FAF1: variants seen among roughly 807,000 people sequenced by gnomAD.
FAF1 encodes Fas associated factor 1.
FAF1 carries 25 observed loss-of-function variants against 92.5 expected under a neutral mutation model. The ratio of observed to expected loss-of-function variants is 0.27; its 90% CI spans 0.20 to 0.38. The LOEUF is 0.38. Among genes scored for constraint, FAF1 ranks in the 10% least tolerant of loss-of-function variants. FAF1 has a pLI of 1.00. For missense variants in FAF1, 636 were observed against 793.3 expected, an observed-to-expected ratio of 0.80 and a Z score of 2.38; for synonymous variants, 234 against 273.2, an observed-to-expected ratio of 0.86 and a Z score of 1.42.
intron 6 of FAF1, among the ~76,000 whole-genome samples, chr1:50,727,682 G>A (rs993144533): frequency 6.6e-6 from 1 of 152,216 alleles, no homozygotes; most frequent in Non-Finnish European, 1.5e-5. Flanking sequence ...AAGTGTCTGT[G>A]AGGGTGTTGC....
At chr1:50,956,414 C>CTTTTAGTATCCACATTT (rs1645267203) in intron 1 of FAF1, among the ~76,000 whole-genome samples, 1 of 152,184 alleles carries the variant, frequency 6.6e-6, no homozygotes, top group Non-Finnish European at 1.5e-5. Context: ...CATTTAGACA[C>CTTTTAGTATCCACATTT]AGTATCTAGC....
chr1:50,694,323 T>A (rs926333408), intron 7 of FAF1, among the ~76,000 whole-genome samples: 2 of 152,164 alleles, frequency 1.3e-5, no homozygotes, highest in African/African-American at 2.4e-5. Context: ...ATAATGTGCC[T>A]TTGATAACAG....
At chr1:50,792,780 G>A (rs994321733) in intron 3 of FAF1, among the ~76,000 whole-genome samples, 3 of 152,096 alleles carry the variant, frequency 2.0e-5, no homozygotes, top group Non-Finnish European at 4.4e-5. Context: ...AATGACATGG[G>A]GAGATGACAC....
chr1:50,662,117 ACTT>A (rs745651689), intron 7 of FAF1, among the ~76,000 whole-genome samples: 3 of 152,294 alleles, frequency 2.0e-5, no homozygotes, highest in Admixed American at 6.5e-5. Context: ...TTTAACTATT[ACTT>A]CTTCTCATTA....
intron 13 of FAF1, among the ~76,000 whole-genome samples, chr1:50,559,456 G>A (rs1649765136): frequency 6.6e-6 from 1 of 152,072 alleles, no homozygotes; most frequent in Non-Finnish European, 1.5e-5. Context: ...ATTATGACTT[G>A]CTGACAAAGA....
intron 15 of FAF1, among the ~76,000 whole-genome samples, chr1:50,498,810 A>T (rs928910640): frequency 3.3e-5 from 5 of 151,632 alleles, no homozygotes; most frequent in Admixed American, 3.3e-4. Context: ...AGATCGTGCC[A>T]CTGCACTCCA....
At chr1:50,503,354 C>T (rs952991369) in intron 15 of FAF1, among the ~76,000 whole-genome samples, 5 of 152,062 alleles carry the variant, frequency 3.3e-5, no homozygotes. Context: ...GGTGCAGCAG[C>T]TCACACCTGT....
At chr1:50,791,203 C>G (rs1200130339) in intron 3 of FAF1, among the ~76,000 whole-genome samples, 2 of 152,138 alleles carry the variant, frequency 1.3e-5, no homozygotes, top group African/African-American at 2.4e-5. Flanking sequence ...AATGCCACAG[C>G]TGAAATCCAA....
At position 50,440,021 on chromosome 1, in the gene FAF1, C is replaced by G. The variant is rs764355548; in HGVS notation, c.*1419G>C. 1 of 152,194 alleles carries G rather than the reference C, an allele frequency of 6.6e-6. No individual in the cohort carries two copies. Among genetic ancestry groups the G allele is most frequent in the South Asian group, 2.1e-4 (1 of 4,826 alleles). 9.4% of individuals were successfully genotyped at this position (152,194 alleles called of 1,614,324 possible). On this transcript the variant is annotated 3_prime_UTR_variant, in exon 19 of 19. Transcript: ENST00000396153. ...CACTTCTGGGCAGAAGGAAAATGAG[C>G]AGACCTATCTCCAGCTTTGGTTAGA...
chr1:50,756,364 A>ACT (rs1206219757), intron 4 of FAF1, among the ~76,000 whole-genome samples: 3,039 of 152,236 alleles, frequency 0.02, 98 homozygotes, highest in African/African-American at 0.07. Context: ...CCATTTCCCA[A>ACT]CAAGTTCTTC....
intron 8 of FAF1, among the ~76,000 whole-genome samples, chr1:50,626,862 T>G (rs939640572): frequency 6.6e-6 from 1 of 151,980 alleles, no homozygotes; most frequent in Non-Finnish European, 1.5e-5. Context: ...GAAATAGAAG[T>G]GAATGAATGG....
chr1:50,478,264 A>G (rs1646662148), intron 17 of FAF1, among the ~76,000 whole-genome samples: 1 of 151,898 alleles, frequency 6.6e-6, no homozygotes, highest in South Asian at 2.1e-4. Context: ...CCCAGGTTCA[A>G]GCGATTCTCC....
In FAF1 at chr1:50,819,770, TATATATAC is replaced by T. The variant is rs1253303543; in HGVS notation, c.115-18101_115-18094del. Among the ~76,000 whole-genome samples the T allele has an allele frequency of 5.3e-4, 27 of 50,658 alleles. 1 individual carries two copies. Among genetic ancestry groups the T allele is most frequent in the South Asian group, 2.3e-3 (4 of 1,728 alleles). The allele number at this position is 50,658 out of a possible 152,430, so 33.2% of individuals were successfully genotyped here. A position where few individuals can be genotyped will look rare whatever the true frequency, so the allele number is the denominator to read the frequency against. ...ATATATACATATATATATACGTATATATATATACATATATATACATATATATATATACA... is the reference window on the plus strand; with the variant it reads ...ATATATACATATATATATACGTATATATATATATACATATATATATATACA... On this transcript the variant is annotated intron_variant, in intron 2 of 18. Coordinates refer to ENST00000396153, the MANE Select transcript of FAF1 (RefSeq NM_007051.3).
Position 50,766,397 on chromosome 1 carries a change from G to T in FAF1, c.367+21603C>A, listed in dbSNP as rs1660572241. Among the ~76,000 whole-genome samples, 4 of 152,210 alleles carry T rather than the reference G, an allele frequency of 2.6e-5. No homozygotes were observed. The South Asian group carries it at 8.3e-4, about 32-fold the overall frequency. ...CAAAATCAAATTAAGATTCTATATG[G>T]GTAGAGATAATTCAGACTCTTATGG... is the stretch of plus-strand genomic sequence containing the variant. On this transcript the variant is annotated intron_variant, in intron 4 of 18. Coordinates refer to ENST00000396153, the MANE Select transcript of FAF1 (RefSeq NM_007051.3).
At chr1:50,928,342 G>A (rs181112493) in intron 1 of FAF1, among the ~76,000 whole-genome samples, 2 of 152,176 alleles carry the variant, frequency 1.3e-5, no homozygotes, top group Non-Finnish European at 2.9e-5. Context: ...ATGGAGAAAA[G>A]AACGTCAAGA....
intron 8 of FAF1, among the ~76,000 whole-genome samples, chr1:50,649,881 C>T (rs546739118): frequency 1.1e-4 from 16 of 149,860 alleles, no homozygotes; most frequent in Non-Finnish European, 1.8e-4. Context: ...GGGACAATTG[C>T]TTGAACCTGG....
chr1:50,914,707 C>T (rs1644907910), intron 1 of FAF1, among the ~76,000 whole-genome samples: 1 of 152,160 alleles, frequency 6.6e-6, no homozygotes, highest in Non-Finnish European at 1.5e-5. Context: ...TCTGATCCCT[C>T]CCACATAACT....
Position 50,583,685 on chromosome 1 carries a change from G to T in FAF1, c.998C>A (p.Ala333Asp). 6.4e-7 allele frequency: 1 copy of T among 1,574,736 alleles called. No homozygotes were observed. Among genetic ancestry groups the T allele is most frequent in the South Asian group, 1.2e-5 (1 of 82,914 alleles). Residue 333 changes from alanine to aspartate, a missense_variant, in exon 11 of 19, where the codon GCC (alanine) becomes GAC (aspartate). Ala to Asp is a moderately radical substitution (Grantham distance 126). Around this residue, in one of 2 missense-constraint regions of FAF1, gnomAD observed 319 missense variants for 451.0 expected, o/e 0.71. Transcript: ENST00000396153. This position sits in a 1 kb window ranked among gnomAD's most constrained non-coding sequence, Gnocchi z 4.2. ...AAACTCTGCTGTAAATTGTAATAAG[G>T]CATCTCCTTCATTTTCTGCGTTTTC... Reference protein sequence around the residue: ...MPENAENEGDALLQFTAEFSS... With the variant: ...MPENAENEGDDLLQFTAEFSS...
At chr1:50,635,168 C>T (rs757010731) in intron 8 of FAF1, among the ~76,000 whole-genome samples, 1 of 152,142 alleles carries the variant, frequency 6.6e-6, no homozygotes, top group Non-Finnish European at 1.5e-5. Flanking sequence ...CACAGACATA[C>T]AAACCAAAGT....
Sources: allele counts gnomAD v4.1 joint callset (sites outside exome capture counted in the v4.1 genomes callset), GRCh38; gene constraint gnomAD v4.1.1; regional missense constraint gnomAD v4.1.1; non-coding constraint Gnocchi (gnomAD v3.1); transcripts MANE v1.5; gene names NCBI Gene and HGNC (gene_info 2026-07-23, HGNC 2026-07-21).